The following ADGRG1 variants were observed in gnomAD, a reference collection of about 807,000 sequenced individuals.
ADGRG1 encodes 7-transmembrane protein with no EGF-like N-terminal domains-1.
In ADGRG1, 53 loss-of-function variants were observed where a neutral mutation model predicts 73.5. That is an observed-to-expected ratio of 0.72 (90% CI 0.58 to 0.91). The LOEUF (loss-of-function observed/expected upper bound fraction) is 0.91. Ranked by LOEUF, ADGRG1 falls within the 40% of genes least tolerant of loss-of-function variation. The pLI is 0.00. For synonymous variants in ADGRG1, 394 were observed against 374.4 expected, an observed-to-expected ratio of 1.05 and a Z score of -0.60; for missense variants, 795 against 871.8, an observed-to-expected ratio of 0.91 and a Z score of 1.11.
chr16:57,662,497 C>T (rs1300893511), intron 13 of ADGRG1, among the ~76,000 whole-genome samples: 2 of 152,162 alleles, frequency 1.3e-5, no homozygotes, highest in Non-Finnish European at 2.9e-5. Flanking sequence ...AGCCTCTGGG[C>T]CACCCGGGCC....
chr16:57,626,136 C>T (rs773664760), upstream of ADGRG1, among the ~76,000 whole-genome samples: 40 of 152,308 alleles, frequency 2.6e-4, no homozygotes, highest in Middle Eastern at 6.8e-3. Context: ...TGTTTGGTTA[C>T]AGCCCACACA....
intron 9 of ADGRG1, 70 bp downstream of exon 9, chr16:57,656,687 A>G: frequency 1.1e-6 from 1 of 923,194 alleles, no homozygotes; most frequent in Non-Finnish European, 1.8e-6. Flanking sequence ...AGCACTTTTC[A>G]TATATTCAGT....
At chr16:57,635,299 G>A in intron 1 of ADGRG1, 1 of 985,310 alleles carries the variant, frequency 1.0e-6, no homozygotes, top group Non-Finnish European at 1.2e-6. Flanking sequence ...GGCTGTCCTG[G>A]CCACACCTTC....
intron 13 of ADGRG1, chr16:57,663,025 G>T (rs1333084906): frequency 1.4e-5 from 14 of 984,402 alleles, no homozygotes; most frequent in Non-Finnish European, 1.4e-5. Context: ...TGTAAGTGAG[G>T]CCCATACATT....
At chr16:57,636,280 G>A in intron 1 of ADGRG1, 2 of 985,328 alleles carry the variant, frequency 2.0e-6, no homozygotes, top group Non-Finnish European at 2.4e-6. Flanking sequence ...AGATTCAGAT[G>A]GAATCTCAGA....
upstream of ADGRG1, chr16:57,628,482 C>T (rs896922623): frequency 9.5e-5 from 93 of 983,434 alleles, 1 homozygote; most frequent in African/African-American, 1.5e-3. Context: ...GCGCTCTCAG[C>T]CCTGCCCCCT....
intron 1 of ADGRG1, chr16:57,647,094 G>A (rs1439641623): frequency 1.0e-6 from 1 of 985,366 alleles, no homozygotes; most frequent in Non-Finnish European, 1.2e-6. Context: ...GCAGGTGTGT[G>A]TGCGTGGGGC....
chr16:57,636,349 A>T (rs746710174), intron 1 of ADGRG1: 3 of 985,384 alleles, frequency 3.0e-6, no homozygotes, highest in Non-Finnish European at 3.6e-6. Flanking sequence ...TAGGAAAGGC[A>T]TGCGCTCCCA....
At chr16:57,630,417 A>G in intron 1 of ADGRG1, 1 of 985,568 alleles carries the variant, frequency 1.0e-6, no homozygotes, top group Non-Finnish European at 1.2e-6. Flanking sequence ...TGGTCACAGC[A>G]TCACTGTGGC....
chr16:57,663,064 C>T (rs2047630789), intron 13 of ADGRG1: 1 of 985,166 alleles, frequency 1.0e-6, no homozygotes, highest in South Asian at 4.7e-5. Context: ...GCTGTGGATA[C>T]ATCATAGTGC....
intron 1 of ADGRG1, chr16:57,629,963 A>G (rs1353046798): frequency 1.0e-6 from 1 of 982,306 alleles, no homozygotes; most frequent in Non-Finnish European, 1.2e-6. Flanking sequence ...GGGGCCTCCC[A>G]CCCCCACCAA....
intron 13 of ADGRG1, among the ~76,000 whole-genome samples, chr16:57,662,673 G>A (rs971651329): frequency 6.6e-6 from 1 of 152,046 alleles, no homozygotes; most frequent in African/African-American, 2.4e-5. Context: ...GTGAGGGAGA[G>A]CGTGGCCAGA....
rs1801257 is a variant in ADGRG1, at chr16:57,655,473, C to T, written c.843C>T (p.Ser281=). The T allele has an allele frequency of 4.0e-5, 65 of 1,613,420 alleles. No homozygotes were observed. Among genetic ancestry groups the T allele is most frequent in the African/African-American group, 1.1e-4 (8 of 74,844 alleles). ...RTLFQRTKGR[S]GEAEKRLLLV... The stretch of plus-strand genomic sequence containing the variant: ...TCTTCCAGAGGACGAAAGGCCGGAG[C>T]GGGGAGGCTGAGAAGAGACTCCTCC... The change falls in exon 6 of 14, where the codon AGC becomes AGT. Residue 281 remains serine (S), a synonymous_variant. Coordinates refer to ENST00000562631, the MANE Select transcript of ADGRG1 (RefSeq NM_201525.4).
At chr16:57,620,457 G>A (rs889784996), upstream of ADGRG1, among the ~76,000 whole-genome samples, 2 of 152,210 alleles carry the variant, frequency 1.3e-5, no homozygotes, top group South Asian at 2.1e-4. Flanking sequence ...GTGACGCCGC[G>A]GAGCCTGAGC....
intron 1 of ADGRG1, among the ~76,000 whole-genome samples, chr16:57,649,016 G>T (rs1179174258): frequency 6.6e-6 from 1 of 152,236 alleles, no homozygotes; most frequent in Non-Finnish European, 1.5e-5. Context: ...TGCAGATGCA[G>T]GGGTGGGATG....
chr16:57,656,081 A>G, intron 7 of ADGRG1, 89 bp downstream of exon 7: 1 of 1,613,442 alleles, frequency 6.2e-7, no homozygotes, highest in Non-Finnish European at 8.5e-7. Flanking sequence ...TTGTCTTTAT[A>G]ATGAAACGAT....
intron 1 of ADGRG1, chr16:57,639,493 G>A (rs1567699652): frequency 1.9e-5 from 19 of 985,450 alleles, no homozygotes; most frequent in Non-Finnish European, 2.3e-5. Context: ...TGAAGCTCCA[G>A]TGAGGGAGCA....
chr16:57,635,513 G>T, intron 1 of ADGRG1: 1 of 985,348 alleles, frequency 1.0e-6, no homozygotes, highest in Non-Finnish European at 1.2e-6. Flanking sequence ...CATGCCCCAG[G>T]GTCCCGTCTC....
intron 1 of ADGRG1, chr16:57,642,725 G>C: frequency 1.2e-6 from 1 of 833,884 alleles, no homozygotes; most frequent in South Asian, 5.5e-5. Context: ...TCCCAGAGAA[G>C]AGAAAGAACT....
Sources: allele counts gnomAD v4.1 joint callset (sites outside exome capture counted in the v4.1 genomes callset), GRCh38; gene constraint gnomAD v4.1.1; transcripts MANE v1.5; gene names NCBI Gene and HGNC (gene_info 2026-07-23, HGNC 2026-07-21).